Variants in NOS1 observed in about 807,000 individuals in gnomAD.
The protein encoded by NOS1 is nitric oxide synthase 1, also known as NOS type I.
In NOS1, 51 loss-of-function variants were observed where a neutral mutation model predicts 164.5. That is an observed-to-expected ratio of 0.31 (90% CI 0.25 to 0.39). The LOEUF (loss-of-function observed/expected upper bound fraction) is 0.39. Ranked by LOEUF, NOS1 falls within the 10% of genes least tolerant of loss-of-function variation. NOS1 has a pLI of 1.00. For synonymous variants in NOS1, 719 were observed against 745.8 expected (o/e 0.96, Z 0.59); for missense variants, 1,362 against 1,885.6 (o/e 0.72, Z 5.14).
chr12:117,239,018 G>A (rs914292698), intron 20 of NOS1, among the ~76,000 whole-genome samples: 28 of 152,206 alleles, frequency 1.8e-4, no homozygotes, highest in Non-Finnish European at 3.7e-4. Flanking sequence ...AAAGTGGTGG[G>A]TCTGAGATGT....
intron 18 of NOS1, among the ~76,000 whole-genome samples, chr12:117,246,670 CT>C (rs1870641276): frequency 6.6e-6 from 1 of 152,114 alleles, no homozygotes; most frequent in Admixed American, 6.5e-5. Flanking sequence ...ACTAACCTGC[CT>C]TCTGTCTCTA....
intron 1 of NOS1, among the ~76,000 whole-genome samples, chr12:117,342,634 A>C (rs1593037959): frequency 6.6e-6 from 1 of 152,256 alleles, no homozygotes; most frequent in East Asian, 1.9e-4. Flanking sequence ...CTTGAAAGGC[A>C]AGTTAACAAT....
In NOS1 at chr12:117,213,505, G is replaced by A; in HGVS notation, c.*1804C>T. The A allele has an allele frequency of 3.0e-6, 3 of 985,456 alleles. No individual in the cohort carries two copies. The highest frequency in any genetic ancestry group is 3.6e-6 in the Non-Finnish European group (3 of 829,974). The allele number at this position is 985,456 out of a possible 1,614,324, so 61.0% of individuals were successfully genotyped here. ...CAGGAACAGGACACCGGTGGGGGCTGCCAGGGATGGCAGAGCAAGGTGAGT... is the reference window on the plus strand; with the variant it reads ...CAGGAACAGGACACCGGTGGGGGCTACCAGGGATGGCAGAGCAAGGTGAGT... On this transcript the variant is annotated 3_prime_UTR_variant, in exon 29 of 29. Coordinates refer to ENST00000317775, the MANE Select transcript of NOS1 (RefSeq NM_000620.5).
At chr12:117,266,912 C>T (rs1464632482) in intron 11 of NOS1, among the ~76,000 whole-genome samples, 1 of 152,196 alleles carries the variant, frequency 6.6e-6, no homozygotes, top group East Asian at 1.9e-4. Flanking sequence ...CATCAGGCCA[C>T]ATGCCACACT....
intron 28 of NOS1, among the ~76,000 whole-genome samples, chr12:117,217,462 T>A (rs1378493453): frequency 6.6e-6 from 1 of 152,160 alleles, no homozygotes; most frequent in Non-Finnish European, 1.5e-5. Flanking sequence ...TCCAGCACTT[T>A]GGGAGGCTGA....
At chr12:117,244,699 A>G (rs888738119) in intron 18 of NOS1, among the ~76,000 whole-genome samples, 2 of 152,262 alleles carry the variant, frequency 1.3e-5, no homozygotes, top group Non-Finnish European at 2.9e-5. Flanking sequence ...ACATCCATAC[A>G]ACGGAATATT....
At position 117,209,688 on chromosome 12, in the gene NOS1, T is replaced by C. The variant is rs781553866; in HGVS notation, c.*5621A>G. 13 of 985,368 alleles carry C rather than the reference T, an allele frequency of 1.3e-5. No homozygotes were observed. Among genetic ancestry groups the C allele is most frequent in the Non-Finnish European group, 1.6e-5 (13 of 829,958 alleles). 61.0% of individuals were successfully genotyped at this position (985,368 alleles called of 1,614,324 possible). A position where few individuals can be genotyped will look rare whatever the true frequency, so the allele number is the denominator to read the frequency against. On this transcript the variant is annotated 3_prime_UTR_variant, in exon 29 of 29. Transcript: ENST00000317775. ...CGCACATGGCTTTGATAAGTATTAA[T>C]AGGAAACAGACTCTCGACAGACACT...
intron 1 of NOS1, among the ~76,000 whole-genome samples, chr12:117,354,810 G>T (rs1295008206): frequency 2.0e-5 from 3 of 152,150 alleles, no homozygotes; most frequent in African/African-American, 7.2e-5. Context: ...TCTCTTGTGG[G>T]GACTGGCACA....
At chr12:117,307,236 T>C (rs962665591) in intron 3 of NOS1, among the ~76,000 whole-genome samples, 1 of 1,294 alleles carries the variant, frequency 7.7e-4, no homozygotes, top group Non-Finnish European at 1.8e-3. Flanking sequence ...TACCTGGAGG[T>C]GGTAGGGGGT....
chr12:117,299,815 C>T (rs1215223812), intron 3 of NOS1, among the ~76,000 whole-genome samples: 1 of 151,950 alleles, frequency 6.6e-6, no homozygotes, highest in African/African-American at 2.4e-5. Flanking sequence ...GACCGAGGGG[C>T]ATCAAGGCTG....
rs1021389847 is a variant in NOS1, at chr12:117,328,735, C to T, written c.725+1610G>A. The stretch of plus-strand genomic sequence containing the variant: ...ATGTGCCATCACGCCCAGCTAATCC[C>T]TTTCCTGCTTTCTTTATCTCCTTTA... On this transcript the variant is annotated intron_variant, in intron 2 of 28. Transcript: ENST00000317775. Among the ~76,000 whole-genome samples the T allele has an allele frequency of 3.9e-5, 6 of 152,316 alleles. No individual in the cohort carries two copies. In the South Asian group the frequency reaches 1.2e-3, roughly 32 times the overall value.
rs1465536801 is a variant in NOS1 at position 117,209,582 on chromosome 12, G to T, written c.*5727C>A. The T allele has an allele frequency of 4.1e-6, 4 of 985,376 alleles. No homozygotes were observed. The highest frequency in any genetic ancestry group is 4.8e-6 in the Non-Finnish European group (4 of 829,962). The allele number at this position is 985,376 out of a possible 1,614,324, so 61.0% of individuals were successfully genotyped here. A position where few individuals can be genotyped will look rare whatever the true frequency, so the allele number is the denominator to read the frequency against. On this transcript the variant is annotated 3_prime_UTR_variant, in exon 29 of 29. Transcript: ENST00000317775. ...GGGCCAGACGGGCATAGCCCCGCTT[G>T]ACCAGAACTGTTTGGGTATTTTAGA...
intron 20 of NOS1, among the ~76,000 whole-genome samples, chr12:117,238,549 C>T (rs1869911527): frequency 6.6e-6 from 1 of 152,092 alleles, no homozygotes; most frequent in Middle Eastern, 3.4e-3. Context: ...TGGAGTCTCA[C>T]TCTATTGCCC....
chr12:117,347,425 C>T (rs1876404946), intron 1 of NOS1, among the ~76,000 whole-genome samples: 1 of 152,174 alleles, frequency 6.6e-6, no homozygotes, highest in South Asian at 2.1e-4. Flanking sequence ...GAGCACACTC[C>T]AAACAGCTGG....
chr12:117,233,680 C>A (rs760519973), intron 21 of NOS1, among the ~76,000 whole-genome samples: 1 of 151,682 alleles, frequency 6.6e-6, no homozygotes, highest in Non-Finnish European at 1.5e-5. Context: ...TGGTGGCACG[C>A]GCCTGTAATC....
intron 1 of NOS1, among the ~76,000 whole-genome samples, chr12:117,335,386 T>C (rs1875757903): frequency 6.6e-6 from 1 of 152,150 alleles, no homozygotes; most frequent in Non-Finnish European, 1.5e-5. Flanking sequence ...ATATGCATGC[T>C]TGCCAGGGTA....
In NOS1 at chr12:117,331,188, T is replaced by C. The variant is rs958022053; in HGVS notation, c.-119A>G. The C allele has an allele frequency of 1.5e-5, 19 of 1,305,850 alleles. No individual in the cohort carries two copies. The African/African-American group carries it at 2.6e-4, about 18-fold the overall frequency. 80.9% of individuals were successfully genotyped at this position (1,305,850 alleles called of 1,614,324 possible). On this transcript the variant is annotated 5_prime_UTR_variant, in exon 2 of 29. Coordinates refer to ENST00000317775, the MANE Select transcript of NOS1 (RefSeq NM_000620.5). ...GGAGAGCAGGAGCCGGGGTGACAGGTGCTGACAAGGCTTCAGCCCTCTCTG... is the reference window on the plus strand; with the variant it reads ...GGAGAGCAGGAGCCGGGGTGACAGGCGCTGACAAGGCTTCAGCCCTCTCTG...
intron 3 of NOS1, among the ~76,000 whole-genome samples, chr12:117,295,413 C>T (rs1873342270): frequency 6.6e-6 from 1 of 152,138 alleles, no homozygotes; most frequent in East Asian, 1.9e-4. Context: ...TAGCATGTGG[C>T]AGCTTTGACA....
chr12:117,221,955 T>C (rs965061378), intron 26 of NOS1, among the ~76,000 whole-genome samples: 1 of 151,842 alleles, frequency 6.6e-6, no homozygotes, highest in South Asian at 2.1e-4. Context: ...TCACGGTGCC[T>C]GGCCCCACAT....
Sources: gnomAD v4.1 joint callset for allele counts (sites outside exome capture counted in the v4.1 genomes callset) on GRCh38, gnomAD v4.1.1 for gene constraint, MANE v1.5 for transcripts, NCBI Gene and HGNC (gene_info 2026-07-23, HGNC 2026-07-21) for gene names.